The following EMILIN1 variants were observed in gnomAD, a reference collection of about 807,000 sequenced individuals.
The protein encoded by EMILIN1 is elastin microfibril interfacer 1.
Under a neutral mutation model 82.4 loss-of-function variants are expected in EMILIN1, and 49 were observed. That is an observed-to-expected ratio of 0.59 (90% CI 0.47 to 0.75). The LOEUF is 0.75. Among genes scored for constraint, EMILIN1 ranks in the 30% least tolerant of loss-of-function variants. The pLI, the probability that EMILIN1 is intolerant of heterozygous loss-of-function variation, is 0.00. For synonymous variants in EMILIN1, 604 were observed against 602.2 expected, an observed-to-expected ratio of 1.00 and a Z score of -0.04; for missense variants, 1,313 against 1,366.4, an observed-to-expected ratio of 0.96 and a Z score of 0.62.
At chr2:27,080,040 C>G in intron 1 of EMILIN1, 111 bp from the exon 2 acceptor site, 1 of 1,268,566 alleles carries the variant, frequency 7.9e-7, no homozygotes, top group Non-Finnish European at 1.1e-6. Flanking sequence ...CTCACTGATC[C>G]CCAAGGGTTC....
intron 3 of EMILIN1, 65 bp downstream of exon 3, chr2:27,081,017 TG>T: frequency 7.8e-7 from 1 of 1,281,158 alleles, no homozygotes; most frequent in African/African-American, 1.5e-5. Flanking sequence ...ATGGGAAATG[TG>T]GGGCCAGGCT....
rs1053931530 is a variant in EMILIN1 at position 27,078,998 on chromosome 2, CG to C, written c.-64del. On this transcript the variant is annotated 5_prime_UTR_variant, in exon 1 of 8. Coordinates refer to ENST00000380320, the MANE Select transcript of EMILIN1 (RefSeq NM_007046.4). The stretch of plus-strand genomic sequence containing the variant: ...CTGTCCTGTGGAGCAGCAGCATCCC[CG>C]GGGCCGGCAGAGGCGCCAGTGGCTG... 1.2e-5 allele frequency: 15 copies of C among 1,283,882 alleles called. No homozygotes were observed. The highest frequency in any genetic ancestry group is 1.4e-5 in the Non-Finnish European group (13 of 958,496). The allele number at this position is 1,283,882 out of a possible 1,614,324, so 79.5% of individuals were successfully genotyped here. A position where few individuals can be genotyped will look rare whatever the true frequency, so the allele number is the denominator to read the frequency against.
rs747297491 is a variant in EMILIN1 at position 27,079,080 on chromosome 2, C to T, written c.15C>T (p.Thr5=). Residue 5 remains threonine (T), a synonymous_variant, in exon 1 of 8, where the codon ACC becomes ACT. Coordinates refer to ENST00000380320, the MANE Select transcript of EMILIN1 (RefSeq NM_007046.4). MAPR[T]LWSCYLCCLL... is the part of the protein sequence containing the mutation. ...AGCGCCCCGCCATGGCCCCCCGCAC[C>T]CTCTGGAGCTGCTACCTCTGCTGCC... The T allele has an allele frequency of 1.9e-6, 3 of 1,598,054 alleles. No individual in the cohort carries two copies. Among genetic ancestry groups the T allele is most frequent in the Non-Finnish European group, 2.6e-6 (3 of 1,173,488 alleles).
In EMILIN1 at chr2:27,079,188, C is replaced by G. The variant is rs201008654; in HGVS notation, c.123C>G (p.Pro41=). The change falls in exon 1 of 8, where the codon CCC becomes CCG. Residue 41 remains proline, a synonymous_variant. Transcript: ENST00000380320. ...CAGGTTCCAGTGGGGCCCTCAGCCC[C>G]GGGGGGCCCCAGGCCCAGATTGCCC... The part of the protein sequence containing the change: ...LYTGSSGALS[P]GGPQAQIAPR... 5 of 1,581,676 alleles carry G rather than the reference C, an allele frequency of 3.2e-6. No homozygotes were observed. Among genetic ancestry groups the G allele is most frequent in the Non-Finnish European group, 3.4e-6 (4 of 1,168,668 alleles).
rs1669530057 is a variant in EMILIN1 at position 27,083,668 on chromosome 2, T to G, written c.2097T>G (p.His699Gln). 6.2e-7 allele frequency: 1 copy of G among 1,613,584 alleles called. No homozygotes were observed. The highest frequency in any genetic ancestry group is 8.5e-7 in the Non-Finnish European group (1 of 1,179,696). The change falls in exon 4 of 8, where the codon CAT becomes CAG. Residue 699 changes from histidine to glutamine, a missense_variant. Physicochemically the swap from His to Gln is conservative, Grantham distance 24. Coordinates refer to ENST00000380320, the MANE Select transcript of EMILIN1 (RefSeq NM_007046.4). ...GGCTGCAGCAGGAGGCCACAGAGCA[T>G]GCTACAGAGAGTGAAGAGCGCTTCC... ...INRLQQEATE[H>Q]ATESEERFRG...
In EMILIN1 at chr2:27,082,355, A is replaced by G; in HGVS notation, c.784A>G (p.Asn262Asp). ...STHDQELGHL[N>D]NHHGGSSSSG... The stretch of plus-strand genomic sequence containing the variant: ...CCACGACCAGGAGCTGGGTCACCTC[A>G]ACAACCATCATGGCGGCAGCAGCAG... Residue 262 changes from asparagine to aspartate, a missense_variant, in exon 4 of 8, where the codon AAC becomes GAC. Transcript: ENST00000380320. 1 of 1,612,310 alleles carries G rather than the reference A, an allele frequency of 6.2e-7. No individual in the cohort carries two copies. The highest frequency in any genetic ancestry group is 2.2e-5 in the East Asian group (1 of 44,858).
At position 27,081,036 on chromosome 2, in the gene EMILIN1, G is replaced by C. The variant is rs1669464963; in HGVS notation, c.511+84G>C. On this transcript the variant is annotated intron_variant, in intron 3 of 7. Coordinates refer to ENST00000380320, the MANE Select transcript of EMILIN1 (RefSeq NM_007046.4). ...GAAATGTGGGGCCAGGCTGCTGGGGGAGTCCCCCGTGCTCTATGCCAGAGA... is the reference window on the plus strand; with the variant it reads ...GAAATGTGGGGCCAGGCTGCTGGGGCAGTCCCCCGTGCTCTATGCCAGAGA... 5.6e-6 allele frequency: 6 copies of C among 1,079,678 alleles called. No individual in the cohort carries two copies. The South Asian group carries it at 7.6e-5, about 14-fold the overall frequency. 66.9% of individuals were successfully genotyped at this position (1,079,678 alleles called of 1,614,324 possible). A position where few individuals can be genotyped will look rare whatever the true frequency, so the allele number is the denominator to read the frequency against.
intron 3 of EMILIN1, 104 bp downstream of exon 3, chr2:27,081,056 C>G (rs1669465362): frequency 2.4e-6 from 2 of 847,422 alleles, no homozygotes; most frequent in Admixed American, 5.3e-5. Context: ...TGCTCTATGC[C>G]AGAGAGAAGA....
rs1669431961 is a variant in EMILIN1, at chr2:27,079,161, C to T, written c.96C>T (p.Tyr32=). 6.3e-7 allele frequency: 1 copy of T among 1,595,254 alleles called. No individual in the cohort carries two copies. Among genetic ancestry groups the T allele is most frequent in the African/African-American group, 1.4e-5 (1 of 73,112 alleles). The stretch of plus-strand genomic sequence containing the variant: ...ACCCTCCTCGAGGTTTCAGCCTCTA[C>T]ACAGGTTCCAGTGGGGCCCTCAGCC... The part of the protein sequence containing the change: ...ASYPPRGFSL[Y]TGSSGALSPG... Residue 32 remains tyrosine, a synonymous_variant, in exon 1 of 8, where the codon TAC becomes TAT. Coordinates refer to ENST00000380320, the MANE Select transcript of EMILIN1 (RefSeq NM_007046.4).
Position 27,086,091 on chromosome 2 carries a change from G to T in EMILIN1, c.*76G>T. 1 of 1,165,270 alleles carries T rather than the reference G, an allele frequency of 8.6e-7. No individual in the cohort carries two copies. The highest frequency in any genetic ancestry group is 1.1e-6 in the Non-Finnish European group (1 of 878,946). The allele number at this position is 1,165,270 out of a possible 1,614,324, so 72.2% of individuals were successfully genotyped here. On this transcript the variant is annotated 3_prime_UTR_variant, in exon 8 of 8. Transcript: ENST00000380320. ...GGCGGGCTCCTGGGGTCTCGCCTGA[G>T]ACGGGGCACCTAGCCCTGGGCGAGC... is the stretch of plus-strand genomic sequence containing the variant.
chr2:27,083,329 C>A lies in EMILIN1; in HGVS notation c.1758C>A (p.Gly586=). 6.2e-7 allele frequency: 1 copy of A among 1,613,240 alleles called. No homozygotes were observed. The highest frequency in any genetic ancestry group is 8.5e-7 in the Non-Finnish European group (1 of 1,179,868). Residue 586 remains glycine (G), a synonymous_variant, in exon 4 of 8, where the codon GGC becomes GGA. Coordinates refer to ENST00000380320, the MANE Select transcript of EMILIN1 (RefSeq NM_007046.4). Reference sequence around the variant, plus strand: ...GGGATGAGGGCTGTGGGGCCTGTGGCGGAGTCCAAGAGGAACTAGGCCGCC... The same window carrying A: ...GGGATGAGGGCTGTGGGGCCTGTGGAGGAGTCCAAGAGGAACTAGGCCGCC... ...AHGDEGCGAC[G]GVQEELGRLR...
At position 27,084,487 on chromosome 2, in the gene EMILIN1, G is replaced by T; in HGVS notation, c.2513G>T (p.Gly838Val). ...CCCCCAGGCCCTGCTGGACCTCCAGGATCACCAGGCAAGGACGGGCAAGAG... is the reference window on the plus strand; with the variant it reads ...CCCCCAGGCCCTGCTGGACCTCCAGTATCACCAGGCAAGGACGGGCAAGAG... ...QGPPGPAGPP[G>V]SPGKDGQEGP... Residue 838 changes from glycine (G) to valine (V), a missense_variant, in exon 5 of 8, where the codon GGA becomes GTA. Physicochemically the swap from Gly to Val is moderately radical, Grantham distance 109. Transcript: ENST00000380320. The T allele has an allele frequency of 6.2e-7, 1 of 1,613,274 alleles. No individual in the cohort carries two copies. Among genetic ancestry groups the T allele is most frequent in the Non-Finnish European group, 8.5e-7 (1 of 1,179,886 alleles).
At chr2:27,082,012 G>C in intron 3 of EMILIN1, 71 bp from the exon 4 acceptor site, 1 of 1,471,020 alleles carries the variant, frequency 6.8e-7, no homozygotes, top group Non-Finnish European at 9.0e-7. Context: ...ACCCTTGCTG[G>C]AGCTGGGGTG....
rs1296262005 is a variant in EMILIN1, at chr2:27,078,696, C to T, written c.-370C>T. The stretch of plus-strand genomic sequence containing the variant: ...TCATCAGGGAAAGAGGACAGGGAGA[C>T]CAGAAGAGGGCCAGCTGGGACGAGG... On this transcript the variant is annotated 5_prime_UTR_variant, in exon 1 of 8. Transcript: ENST00000380320. 4.8e-6 allele frequency: 1 copy of T among 207,290 alleles called. No individual in the cohort carries two copies. The highest frequency in any genetic ancestry group is 2.3e-5 in the African/African-American group (1 of 43,384). 12.8% of individuals were successfully genotyped at this position (207,290 alleles called of 1,614,324 possible).
intron 5 of EMILIN1, 37 bp downstream of exon 5, chr2:27,084,568 C>A: frequency 7.5e-7 from 1 of 1,330,618 alleles, no homozygotes; most frequent in Non-Finnish European, 1.1e-6. Flanking sequence ...GTCAGGGTTG[C>A]CACTGCCCCC....
intron 1 of EMILIN1, among the ~76,000 whole-genome samples, chr2:27,079,766 G>A (rs1428707164): frequency 6.6e-6 from 1 of 152,214 alleles, no homozygotes; most frequent in African/African-American, 2.4e-5. Context: ...GAGGGGTGGG[G>A]TGGAAGCCAG....
At chr2:27,080,976 G>A (rs1167366037) in intron 3 of EMILIN1, 24 bp downstream of exon 3, 6 of 1,512,038 alleles carry the variant, frequency 4.0e-6, no homozygotes, top group South Asian at 1.2e-5. Context: ...CTGCTGCGAG[G>A]GTGGCAAGTT....
chr2:27,086,101 C>A lies in EMILIN1; in HGVS notation c.*86C>A. 1 of 1,066,934 alleles carries A rather than the reference C, an allele frequency of 9.4e-7. No homozygotes were observed. The highest frequency in any genetic ancestry group is 1.2e-6 in the Non-Finnish European group (1 of 808,030). 66.1% of individuals were successfully genotyped at this position (1,066,934 alleles called of 1,614,324 possible). A position where few individuals can be genotyped will look rare whatever the true frequency, so the allele number is the denominator to read the frequency against. ...TGGGGTCTCGCCTGAGACGGGGCACCTAGCCCTGGGCGAGCGCCGCACCCG... is the reference window on the plus strand; with the variant it reads ...TGGGGTCTCGCCTGAGACGGGGCACATAGCCCTGGGCGAGCGCCGCACCCG... On this transcript the variant is annotated 3_prime_UTR_variant, in exon 8 of 8. Coordinates refer to ENST00000380320, the MANE Select transcript of EMILIN1 (RefSeq NM_007046.4).
At position 27,083,912 on chromosome 2, in the gene EMILIN1, G is replaced by C; in HGVS notation, c.2341G>C (p.Gly781Arg). 6.2e-7 allele frequency: 1 copy of C among 1,607,470 alleles called. No individual in the cohort carries two copies. The highest frequency in any genetic ancestry group is 8.5e-7 in the Non-Finnish European group (1 of 1,175,894). ...GGCAGCCCTGCTGGAGAAGCTGGTC[G>C]GGGGACAGGCGGGCCTGGGCAGGCG... is the stretch of plus-strand genomic sequence containing the variant. ...MQAALLEKLVGGQAGLGRRLG... is the reference protein window; with the variant it reads ...MQAALLEKLVRGQAGLGRRLG... The change falls in exon 4 of 8, where the codon GGG becomes CGG. Residue 781 changes from glycine to arginine, a missense_variant. Transcript: ENST00000380320.
Sources: allele counts gnomAD v4.1 joint callset (sites outside exome capture counted in the v4.1 genomes callset), GRCh38; gene constraint gnomAD v4.1.1; transcripts MANE v1.5; gene names NCBI Gene and HGNC (gene_info 2026-07-23, HGNC 2026-07-21).